KCNMA1: variants seen among roughly 807,000 people sequenced by gnomAD.
KCNMA1 encodes the protein potassium calcium-activated channel subfamily M alpha 1.
Under a neutral mutation model 140.0 loss-of-function variants are expected in KCNMA1, and 29 were observed. The ratio of observed to expected loss-of-function variants is 0.21; its 90% CI spans 0.15 to 0.28. The LOEUF (loss-of-function observed/expected upper bound fraction) is 0.28, where lower values mean the gene tolerates loss of function less well. KCNMA1 is among the 10% of genes least tolerant of loss of function. KCNMA1 has a pLI of 1.00. For synonymous variants in KCNMA1, 612 were observed against 611.9 expected, an observed-to-expected ratio of 1.00 and a Z score of 0.00; for missense variants, 880 against 1,602.2, an observed-to-expected ratio of 0.55 and a Z score of 7.70.
chr10:77,467,636 C>T (rs77403776), intron 1 of KCNMA1, among the ~76,000 whole-genome samples: 3,018 of 152,326 alleles, frequency 0.02, 45 homozygotes, highest in African/African-American at 0.04. Flanking sequence ...AAAGCCAACT[C>T]GAGGTCAAGG....
At chr10:77,072,226 T>C (rs1483122016) in intron 14 of KCNMA1, among the ~76,000 whole-genome samples, 1 of 152,214 alleles carries the variant, frequency 6.6e-6, no homozygotes, top group Non-Finnish European at 1.5e-5. Flanking sequence ...TCCCATGCCA[T>C]AACAGAAAGG....
At position 76,886,840 on chromosome 10, in the gene KCNMA1, A is replaced by AAAC. The variant is rs879619415; in HGVS notation, c.*423_*425dup. On this transcript the variant is annotated 3_prime_UTR_variant, in exon 28 of 28. Coordinates refer to ENST00000286628, the MANE Select transcript of KCNMA1 (RefSeq NM_001161352.2). ...TGTGTATAAAAAAAGAAAGAAAGGA[A>AAAC]AACAACAACAACAACAAAATCAAAA... The AAAC allele has an allele frequency of 2.8e-6, 3 of 1,077,076 alleles. No homozygotes were observed. Among genetic ancestry groups the AAAC allele is most frequent in the African/African-American group, 3.3e-5 (2 of 59,926 alleles). The allele number at this position is 1,077,076 out of a possible 1,614,324, so 66.7% of individuals were successfully genotyped here.
At chr10:77,267,638 G>C (rs763781635) in intron 2 of KCNMA1, among the ~76,000 whole-genome samples, 147 of 152,284 alleles carry the variant, frequency 9.7e-4, no homozygotes, top group Middle Eastern at 6.8e-3. Flanking sequence ...CAAAGGGTAA[G>C]CATCGGCCCC....
At chr10:77,442,221 C>G (rs951988968) in intron 1 of KCNMA1, among the ~76,000 whole-genome samples, 25 of 152,336 alleles carry the variant, frequency 1.6e-4, no homozygotes, top group Admixed American at 6.5e-4. Flanking sequence ...ACCCCCACCC[C>G]ATTCCCAGGC....
At chr10:76,887,566 A>C in intron 27 of KCNMA1, 51 bp from the exon 28 acceptor site, 1 of 1,607,708 alleles carries the variant, frequency 6.2e-7, no homozygotes, top group Non-Finnish European at 8.5e-7. Flanking sequence ...TGAGTAAAGA[A>C]TTCAACTCTC....
intron 21 of KCNMA1, among the ~76,000 whole-genome samples, chr10:76,950,431 G>A (rs1565137173): frequency 1.3e-5 from 2 of 152,168 alleles, no homozygotes; most frequent in Admixed American, 6.5e-5. Context: ...CTCTATTAGA[G>A]GAGAACCCCA....
intron 6 of KCNMA1, among the ~76,000 whole-genome samples, chr10:77,116,925 G>A (rs921950575): frequency 2.0e-5 from 3 of 152,170 alleles, no homozygotes; most frequent in Admixed American, 6.5e-5. Context: ...TCTCAGTAAA[G>A]TCCATGAATC....
chr10:77,523,272 A>G (rs1379818393), intron 1 of KCNMA1, among the ~76,000 whole-genome samples: 1 of 149,412 alleles, frequency 6.7e-6, no homozygotes, highest in Non-Finnish European at 1.5e-5. Flanking sequence ...TAAATTATTA[A>G]CATCAGTCAC....
intron 9 of KCNMA1, among the ~76,000 whole-genome samples, chr10:77,107,525 A>G (rs2097220505): frequency 6.6e-6 from 1 of 152,178 alleles, no homozygotes; most frequent in African/African-American, 2.4e-5. Context: ...CCTCTCCCCC[A>G]TGGCATTCTC....
At chr10:77,344,890 C>T (rs921289961) in intron 2 of KCNMA1, among the ~76,000 whole-genome samples, 2 of 152,118 alleles carry the variant, frequency 1.3e-5, no homozygotes, top group Admixed American at 6.5e-5. Context: ...ACCAATCAAG[C>T]AACAGACTAA....
chr10:77,360,779 C>A (rs1030697930), intron 2 of KCNMA1, among the ~76,000 whole-genome samples: 1 of 152,168 alleles, frequency 6.6e-6, no homozygotes, highest in Non-Finnish European at 1.5e-5. Flanking sequence ...AGCACTCAGC[C>A]CAGAAGAGGT....
At chr10:77,195,075 AT>A (rs1025574781) in intron 3 of KCNMA1, among the ~76,000 whole-genome samples, 2 of 151,878 alleles carry the variant, frequency 1.3e-5, no homozygotes, top group East Asian at 1.9e-4. Flanking sequence ...GTTGTTGAGG[AT>A]TTTTTTTAAG....
At chr10:76,940,364 G>A (rs2061637464) in intron 23 of KCNMA1, among the ~76,000 whole-genome samples, 1 of 152,210 alleles carries the variant, frequency 6.6e-6, no homozygotes, top group Non-Finnish European at 1.5e-5. Context: ...GTTAGTCTAG[G>A]AGCCCTAATA....
In KCNMA1 at chr10:77,000,858, ATATATATATAT is replaced by A. The variant is rs1376707664; in HGVS notation, c.2266+538_2266+548del. 1.3e-3 allele frequency among the ~76,000 whole-genome samples: 115 copies of A among 88,098 alleles called. 11 individuals carry two copies. Among genetic ancestry groups the A allele is most frequent in the African/African-American group, 4.6e-3 (103 of 22,178 alleles). 57.8% of individuals were successfully genotyped at this position (88,098 alleles called of 152,430 possible). ...GTTAGAGAGACATAGTAAAAAGAAA[ATATATATATAT>A]ATATATATATATATATATATATATA... is the stretch of plus-strand genomic sequence containing the variant. On this transcript the variant is annotated intron_variant, in intron 19 of 27. Transcript: ENST00000286628.
Position 77,042,726 on chromosome 10 carries a change from T to C in KCNMA1, c.1750-3089A>G, listed in dbSNP as rs546572414. ...ATGCCTTTATGTCCTAATGAAGCTA[T>C]TCTTTATACCAAATTTTATTGTAGG... On this transcript the variant is annotated intron_variant, in intron 14 of 27. Coordinates refer to ENST00000286628, the MANE Select transcript of KCNMA1 (RefSeq NM_001161352.2). Among the ~76,000 whole-genome samples, 25 of 152,340 alleles carry C rather than the reference T, an allele frequency of 1.6e-4. No homozygotes were observed. The South Asian group carries it at 4.8e-3, about 29-fold the overall frequency.
intron 1 of KCNMA1, among the ~76,000 whole-genome samples, chr10:77,627,507 A>G (rs1018517582): frequency 6.6e-6 from 1 of 152,214 alleles, no homozygotes; most frequent in African/African-American, 2.4e-5. Context: ...GGGCAAAGGG[A>G]AACCACACTG....
intron 14 of KCNMA1, chr10:77,063,676 A>C (rs966692506): frequency 7.5e-6 from 7 of 936,664 alleles, no homozygotes; most frequent in Admixed American, 6.2e-5. Context: ...CAATAGACTT[A>C]AGGAAATCTG....
rs79526687 is a variant in KCNMA1 at position 77,113,938 on chromosome 10, T to G, written c.885-1496A>C. Among the ~76,000 whole-genome samples, 875 of 152,280 alleles carry G rather than the reference T, an allele frequency of 5.7e-3. 5 individuals are homozygous for G. Among genetic ancestry groups the G allele is most frequent in the Middle Eastern group, 0.017 (5 of 294 alleles). On this transcript the variant is annotated intron_variant, in intron 6 of 27. Transcript: ENST00000286628. ...TTAGCAATAGTCCTCATGTTGTACA[T>G]TAGACCTCTAGACTTGATCATCCTA...
At chr10:77,376,210 T>C (rs950208758) in intron 2 of KCNMA1, among the ~76,000 whole-genome samples, 2 of 152,286 alleles carry the variant, frequency 1.3e-5, no homozygotes, top group African/African-American at 2.4e-5. Context: ...GGCTGCCGTG[T>C]CCCACTCAGG....
Sources: gnomAD v4.1 joint callset for allele counts (sites outside exome capture counted in the v4.1 genomes callset) on GRCh38, gnomAD v4.1.1 for gene constraint, MANE v1.5 for transcripts, NCBI Gene and HGNC (gene_info 2026-07-23, HGNC 2026-07-21) for gene names.